Variants in NAALADL2 observed in about 807,000 individuals in gnomAD.
NAALADL2 encodes the protein inactive N-acetylated-alpha-linked acidic dipeptidase-like protein 2.
NAALADL2 carries 76 observed loss-of-function variants against 87.2 expected under a neutral mutation model. The observed-to-expected ratio is 0.87, with a 90% CI of 0.72 to 1.05. The LOEUF is 1.05. Ranked by LOEUF, NAALADL2 falls within the 50% of genes least tolerant of loss-of-function variation. NAALADL2 has a pLI of 0.00. For synonymous variants in NAALADL2, 354 were observed against 331.0 expected, an observed-to-expected ratio of 1.07 and a Z score of -0.75; for missense variants, 1,089 against 945.8, an observed-to-expected ratio of 1.15 and a Z score of -1.99.
intron 1 of NAALADL2, among the ~76,000 whole-genome samples, chr3:175,011,272 C>CAGAGAGAGAGAGAGAGAGAGAGAGAG (rs1408169414): frequency 1.8e-5 from 2 of 110,290 alleles, no homozygotes; most frequent in African/African-American, 6.3e-5. Context: ...GGGAGAGAGA[C>CAGAGAGAGAGAGAGAGAGAGAGAGAG]AGAGAGACAG....
chr3:174,611,986 C>A (rs1246479766), intron 2 of NAALADL2, among the ~76,000 whole-genome samples: 1 of 151,590 alleles, frequency 6.6e-6, no homozygotes, highest in African/African-American at 2.4e-5. Context: ...CTTGTGTTGA[C>A]AAAATCCCTC....
At chr3:174,994,935 G>T (rs888952696) in intron 1 of NAALADL2, among the ~76,000 whole-genome samples, 2 of 152,018 alleles carry the variant, frequency 1.3e-5, no homozygotes, top group African/African-American at 2.4e-5. Flanking sequence ...TGGTAAGCAC[G>T]ATATAAAAGT....
In NAALADL2 at chr3:175,805,713, C is replaced by T. The variant is rs1237857679; in HGVS notation, c.*2510C>T. On this transcript the variant is annotated 3_prime_UTR_variant, in exon 14 of 14. Coordinates refer to ENST00000454872, the MANE Select transcript of NAALADL2 (RefSeq NM_207015.3). ...TCGTCTATATGCCTGGTACTTCTCA[C>T]AATCTTTCATACATAGAATTGTGCC... 6.6e-6 allele frequency: 1 copy of T among 151,798 alleles called. No homozygotes were observed. The highest frequency in any genetic ancestry group is 1.5e-5 in the Non-Finnish European group (1 of 67,900). The allele number at this position is 151,798 out of a possible 1,614,324, so 9.4% of individuals were successfully genotyped here. A position where few individuals can be genotyped will look rare whatever the true frequency, so the allele number is the denominator to read the frequency against.
chr3:174,786,961 A>G (rs1716751736), intron 3 of NAALADL2, among the ~76,000 whole-genome samples: 1 of 152,140 alleles, frequency 6.6e-6, no homozygotes, highest in Admixed American at 6.5e-5. Context: ...ATGTACAAAA[A>G]AAATTATACA....
intron 1 of NAALADL2, among the ~76,000 whole-genome samples, chr3:174,903,311 T>A (rs1732529437): frequency 6.6e-6 from 1 of 152,110 alleles, no homozygotes; most frequent in Non-Finnish European, 1.5e-5. Context: ...GACGCAATAA[T>A]CTGTAGTGTT....
intron 4 of NAALADL2, among the ~76,000 whole-genome samples, chr3:175,311,845 A>G (rs1483693130): frequency 6.6e-6 from 1 of 152,124 alleles, no homozygotes; most frequent in African/African-American, 2.4e-5. Context: ...CCTTTACAAA[A>G]GCAGGAGGTC....
At chr3:175,643,722 GAGA>G (rs1356929431) in intron 11 of NAALADL2, among the ~76,000 whole-genome samples, 1 of 152,150 alleles carries the variant, frequency 6.6e-6, no homozygotes, top group Admixed American at 6.5e-5. Flanking sequence ...TTGTCCAGGT[GAGA>G]AGAACAAACT....
intron 2 of NAALADL2, among the ~76,000 whole-genome samples, chr3:175,102,851 T>G (rs1461728453): frequency 1.3e-5 from 2 of 152,144 alleles, no homozygotes; most frequent in Non-Finnish European, 2.9e-5. Context: ...GGTTCATGCC[T>G]GTAATCCCAG....
intron 2 of NAALADL2, among the ~76,000 whole-genome samples, chr3:174,666,386 C>T (rs1187378009): frequency 6.6e-6 from 1 of 152,126 alleles, no homozygotes; most frequent in Admixed American, 6.6e-5. Context: ...ATTGTTATTT[C>T]TAAAACTACA....
chr3:174,769,464 T>C (rs528533), intron 3 of NAALADL2, among the ~76,000 whole-genome samples: 44,363 of 151,854 alleles, frequency 0.29, 6,524 homozygotes, highest in Middle Eastern at 0.34. Context: ...TAAGTAATTA[T>C]TAGCATACCT....
At chr3:174,741,741 C>G (rs1292331963) in intron 3 of NAALADL2, among the ~76,000 whole-genome samples, 1 of 151,674 alleles carries the variant, frequency 6.6e-6, no homozygotes, top group African/African-American at 2.4e-5. Flanking sequence ...AAGATCTTTG[C>G]ATATAGCTCT....
chr3:175,096,355 T>C (rs1721151866), intron 1 of NAALADL2, among the ~76,000 whole-genome samples: 1 of 150,182 alleles, frequency 6.7e-6, no homozygotes, highest in African/African-American at 2.4e-5. Context: ...AATCGCAGCT[T>C]TATTACTTTT....
chr3:175,036,568 T>A (rs1049980936), intron 1 of NAALADL2, among the ~76,000 whole-genome samples: 2 of 151,598 alleles, frequency 1.3e-5, no homozygotes, highest in Non-Finnish European at 2.9e-5. Context: ...CCCAGCTAAT[T>A]TTTTGTATTT....
At chr3:175,461,347 CCAGAGTGCTGATTGGTGCATTTTTA>C (rs1273703845) in intron 6 of NAALADL2, among the ~76,000 whole-genome samples, 2 of 149,888 alleles carry the variant, frequency 1.3e-5, no homozygotes, top group Admixed American at 6.6e-5. Context: ...TTGTCTAGAC[CCAGAGTGCTGATTGGTGCATTTTTA>C]CAGAGTGCTG....
chr3:175,796,993 G>A (rs904100389), intron 13 of NAALADL2, among the ~76,000 whole-genome samples: 1 of 149,592 alleles, frequency 6.7e-6, no homozygotes, highest in Non-Finnish European at 1.5e-5. Context: ...GAAAAGATTT[G>A]TCAGTTGAGT....
intron 1 of NAALADL2, among the ~76,000 whole-genome samples, chr3:175,017,882 G>A (rs1238666242): frequency 6.6e-6 from 1 of 152,014 alleles, no homozygotes; most frequent in East Asian, 1.9e-4. Context: ...AGACACATTT[G>A]CATTTTTTAA....
intron 10 of NAALADL2, among the ~76,000 whole-genome samples, chr3:175,626,835 C>G (rs1309515472): frequency 6.6e-6 from 1 of 151,792 alleles, no homozygotes; most frequent in African/African-American, 2.4e-5. Context: ...ACTTCTAAGT[C>G]TACGTGTGTT....
chr3:174,909,625 T>G (rs73047022), intron 1 of NAALADL2, among the ~76,000 whole-genome samples: 2,356 of 152,222 alleles, frequency 0.015, 70 homozygotes, highest in African/African-American at 0.054. Context: ...GCACAGACTG[T>G]GGGGTTACCT....
upstream of NAALADL2, chr3:174,859,158 G>T (rs574745756): frequency 4.8e-6 from 2 of 412,468 alleles, no homozygotes; most frequent in Non-Finnish European, 8.7e-6. Flanking sequence ...TATCAAAACT[G>T]AAACAAAGCA....
Sources: gnomAD v4.1 joint callset for allele counts (sites outside exome capture counted in the v4.1 genomes callset) on GRCh38, gnomAD v4.1.1 for gene constraint, MANE v1.5 for transcripts, NCBI Gene and HGNC (gene_info 2026-07-23, HGNC 2026-07-21) for gene names.